The following ADD1 variants were observed in gnomAD, a reference collection of about 807,000 sequenced individuals.
ADD1 encodes the protein adducin 1.
A neutral mutation model predicts 80.5 loss-of-function variants in ADD1; 24 were observed. The observed-to-expected ratio is 0.30, with a 90% confidence interval of 0.22 to 0.42. ADD1 has a LOEUF of 0.42. Ranked by LOEUF, ADD1 falls within the 10% of genes least tolerant of loss-of-function variation. The probability of loss-of-function intolerance (pLI) is 1.00; values close to 1 mark genes in which losing one functional copy is unlikely to be tolerated. For missense variants in ADD1, 948 were observed against 1,019.0 expected (o/e 0.93, Z 0.95); for synonymous variants, 373 against 393.8 (o/e 0.95, Z 0.63).
At chr4:2,897,941 A>G (rs1017223622) in intron 6 of ADD1, among the ~76,000 whole-genome samples, 2 of 152,182 alleles carry the variant, frequency 1.3e-5, no homozygotes, top group African/African-American at 4.8e-5. Context: ...TATCAGTGGG[A>G]AAAAGTCTAG....
intron 13 of ADD1, among the ~76,000 whole-genome samples, chr4:2,912,436 C>T (rs950298630): frequency 1.3e-5 from 2 of 152,204 alleles, no homozygotes; most frequent in Non-Finnish European, 2.9e-5. Flanking sequence ...CGGGCTTCAG[C>T]TGTCTCAGTA....
At chr4:2,848,573 A>T (rs184314272) in intron 1 of ADD1, among the ~76,000 whole-genome samples, 1 of 151,948 alleles carries the variant, frequency 6.6e-6, no homozygotes, top group Non-Finnish European at 1.5e-5. Flanking sequence ...GGCTTAAGCC[A>T]TTCTCCCACC....
chr4:2,901,587 A>G (rs577412450), intron 9 of ADD1: 1 of 152,320 alleles, frequency 6.6e-6, no homozygotes, highest in African/African-American at 2.4e-5. Context: ...TTAATTTAGC[A>G]TCGGGGTTGG....
Position 2,904,881 on chromosome 4 carries a change from T to G in ADD1, c.1279T>G (p.Ser427Ala). 6.2e-7 allele frequency: 1 copy of G among 1,614,124 alleles called. No homozygotes were observed. Among genetic ancestry groups the G allele is most frequent in the East Asian group, 2.2e-5 (1 of 44,888 alleles). The change falls in exon 10 of 16, where the codon TCG becomes GCG. Residue 427 changes from serine (S) to alanine (A), a missense_variant. Physicochemically the swap from Ser to Ala is moderately conservative, Grantham distance 99 (BLOSUM62 1). Transcript: ENST00000683351. ...TTACTCCTTTGCTAGTGACGGTGATTCGGGCACTTGCTCCCCACTCAGACA... is the reference window on the plus strand; with the variant it reads ...TTACTCCTTTGCTAGTGACGGTGATGCGGGCACTTGCTCCCCACTCAGACA... Reference protein sequence around the residue: ...TGYSFASDGDSGTCSPLRHSF... With the variant: ...TGYSFASDGDAGTCSPLRHSF...
chr4:2,897,476 C>G (rs1172265690), intron 6 of ADD1, among the ~76,000 whole-genome samples: 1 of 145,934 alleles, frequency 6.9e-6, no homozygotes, highest in Admixed American at 6.8e-5. Flanking sequence ...TTAGGTGTTT[C>G]AATGTTATCT....
Position 2,926,301 on chromosome 4 carries a change from T to C in ADD1, c.2047+189T>C, listed in dbSNP as rs1711603392. On this transcript the variant is annotated intron_variant, in intron 15 of 15. Transcript: ENST00000683351. This position sits in a 1 kb window ranked among gnomAD's most constrained non-coding sequence, Gnocchi z 5.0. ...TAACTCCAGGCAAAACAGATTTGTA[T>C]GTGAGCTGTGACCAGGTAGGAAGGC... 1 of 722,632 alleles carries C rather than the reference T, an allele frequency of 1.4e-6. No individual in the cohort carries two copies. Among genetic ancestry groups the C allele is most frequent in the Non-Finnish European group, 2.5e-6 (1 of 400,796 alleles). The allele number at this position is 722,632 out of a possible 1,614,324, so 44.8% of individuals were successfully genotyped here.
chr4:2,869,018 G>C (rs17833250), intron 1 of ADD1, among the ~76,000 whole-genome samples: 35,041 of 152,072 alleles, frequency 0.23, 4,622 homozygotes, highest in Middle Eastern at 0.3. Context: ...ACTCTGCTGT[G>C]TTTTCTGTGC....
In ADD1 at chr4:2,876,155, T is replaced by C. The variant is rs775192294; in HGVS notation, c.195+45T>C. On this transcript the variant is annotated intron_variant, in intron 2 of 15. Coordinates refer to ENST00000683351, the MANE Select transcript of ADD1 (RefSeq NM_001354761.2). ...CTCTGACCAGATGTCATCTTTCCTT[T>C]TCTAATACTTCAGGTCTTATGCCCT... is the stretch of plus-strand genomic sequence containing the variant. 106 of 1,562,904 alleles carry C rather than the reference T, an allele frequency of 6.8e-5. No individual in the cohort carries two copies. The Middle Eastern group carries it at 6.8e-4, about 10-fold the overall frequency.
chr4:2,859,871 T>G (rs1728593272), intron 1 of ADD1, among the ~76,000 whole-genome samples: 1 of 152,212 alleles, frequency 6.6e-6, no homozygotes, highest in South Asian at 2.1e-4. Flanking sequence ...AATGACATAC[T>G]TTTCCATCTT....
chr4:2,872,800 T>C (rs1730658091), intron 1 of ADD1, among the ~76,000 whole-genome samples: 1 of 152,184 alleles, frequency 6.6e-6, no homozygotes, highest in Non-Finnish European at 1.5e-5. Context: ...GCTCAAGTGA[T>C]CTTCCCACAT....
intron 13 of ADD1, among the ~76,000 whole-genome samples, chr4:2,911,256 A>G (rs1270317877): frequency 1.3e-5 from 2 of 151,930 alleles, no homozygotes; most frequent in African/African-American, 2.4e-5. Flanking sequence ...GCTTTTCTGG[A>G]AAGGACTTTC....
rs770932159 is a variant in ADD1 at position 2,876,093 on chromosome 4, A to G, written c.178A>G (p.Met60Val). 15 of 1,613,312 alleles carry G rather than the reference A, an allele frequency of 9.3e-6. No individual in the cohort carries two copies. In the South Asian group the frequency reaches 9.9e-5, roughly 11 times the overall value. ...GATGGAGCAAAAGAAGAGGGTGTCC[A>G]TGATTCTGCAAAGCCCTGTGAGAAG... The part of the protein sequence containing the change: ...NMMEQKKRVS[M>V]ILQSPAFCEE... Residue 60 changes from methionine (M) to valine (V), a missense_variant, in exon 2 of 16, where the codon ATG becomes GTG. Physicochemically the swap from Met to Val is conservative, Grantham distance 21. Transcript: ENST00000683351.
chr4:2,899,197 G>C, intron 8 of ADD1, 62 bp from the exon 9 acceptor site: 2 of 1,499,816 alleles, frequency 1.3e-6, no homozygotes, highest in East Asian at 4.5e-5. Flanking sequence ...TTTTATTCAA[G>C]TCATCTGACC....
chr4:2,903,839 A>C (rs1312538223), intron 9 of ADD1, among the ~76,000 whole-genome samples: 1 of 152,154 alleles, frequency 6.6e-6, no homozygotes, highest in African/African-American at 2.4e-5. Context: ...TGTCTGTGGG[A>C]GGACTCTGCA....
chr4:2,904,253 G>C (rs1040625398), intron 9 of ADD1, among the ~76,000 whole-genome samples: 1 of 152,122 alleles, frequency 6.6e-6, no homozygotes, highest in Non-Finnish European at 1.5e-5. Flanking sequence ...AACGGTAGCA[G>C]CACCTCAGAA....
chr4:2,870,744 A>C (rs1730299235), intron 1 of ADD1, among the ~76,000 whole-genome samples: 1 of 152,242 alleles, frequency 6.6e-6, no homozygotes, highest in African/African-American at 2.4e-5. Flanking sequence ...GAATCTACTG[A>C]AGATAACAAA....
intron 8 of ADD1, chr4:2,898,827 C>T (rs929294023): frequency 2.1e-5 from 9 of 433,688 alleles, no homozygotes; most frequent in East Asian, 9.3e-5. Context: ...TGTGTGTCAT[C>T]GCATATGTGA....
intron 4 of ADD1, among the ~76,000 whole-genome samples, chr4:2,884,967 T>C (rs1733013810): frequency 6.6e-6 from 1 of 152,238 alleles, no homozygotes; most frequent in African/African-American, 2.4e-5. Flanking sequence ...CTAAGAATGA[T>C]GATGTTTTCT....
intron 4 of ADD1, among the ~76,000 whole-genome samples, chr4:2,891,643 C>T (rs1203595331): frequency 1.3e-5 from 2 of 152,026 alleles, no homozygotes; most frequent in Non-Finnish European, 2.9e-5. Context: ...GGGTAGATGC[C>T]GTTTATTGCG....
Sources: gnomAD v4.1 joint callset for allele counts (sites outside exome capture counted in the v4.1 genomes callset) on GRCh38, gnomAD v4.1.1 for gene constraint, Gnocchi (gnomAD v3.1) non-coding constraint, MANE v1.5 for transcripts, NCBI Gene and HGNC (gene_info 2026-07-23, HGNC 2026-07-21) for gene names.